The following NDUFA10 variants were observed in gnomAD, a reference collection of about 807,000 sequenced individuals.
NDUFA10 encodes the protein NADH dehydrogenase [ubiquinone] 1 alpha subcomplex subunit 10, mitochondrial.
In NDUFA10, 40 loss-of-function variants were observed where a neutral mutation model predicts 47.8. The ratio of observed to expected loss-of-function variants is 0.84; its 90% confidence interval spans 0.65 to 1.09. The LOEUF (loss-of-function observed/expected upper bound fraction) is 1.09, where lower values mean the gene tolerates loss of function less well. Ranked by LOEUF, NDUFA10 falls within the 50% of genes least tolerant of loss-of-function variation. The probability of loss-of-function intolerance (pLI) is 0.00; values close to 1 mark genes in which losing one functional copy is unlikely to be tolerated. For synonymous variants in NDUFA10, 183 were observed against 172.2 expected (o/e 1.06, Z -0.49); for missense variants, 413 against 451.1 (o/e 0.92, Z 0.76).
At chr2:239,947,385 T>C (rs1694472582) in intron 4 of NDUFA10, among the ~76,000 whole-genome samples, 1 of 152,224 alleles carries the variant, frequency 6.6e-6, no homozygotes, top group Non-Finnish European at 1.5e-5. Context: ...GACTGTCCTG[T>C]GTGCCTGCCT....
intron 5 of NDUFA10, chr2:240,012,031 G>C: frequency 2.9e-6 from 1 of 345,700 alleles, no homozygotes; most frequent in Non-Finnish European, 5.6e-6. Context: ...AGGAATGAAA[G>C]AGCACCAAAA....
intron 9 of NDUFA10, among the ~76,000 whole-genome samples, chr2:239,979,291 T>G (rs1052671256): frequency 7.0e-6 from 1 of 142,060 alleles, no homozygotes; most frequent in African/African-American, 2.6e-5. Context: ...ACTACCTGTC[T>G]CTATTGTGCT....
At chr2:239,957,290 A>G (rs1318477780), downstream of NDUFA10, 1 of 152,244 alleles carries the variant, frequency 6.6e-6, no homozygotes, top group East Asian at 1.9e-4. Context: ...AAGAAAACCC[A>G]CATGACCACG....
intron 9 of NDUFA10, among the ~76,000 whole-genome samples, chr2:239,962,672 G>C (rs1177214233): frequency 1.3e-5 from 2 of 152,224 alleles, no homozygotes; most frequent in Non-Finnish European, 2.9e-5. Flanking sequence ...AGAGAAAAGA[G>C]GTCTAATTGG....
intron 9 of NDUFA10, chr2:239,982,060 T>G: frequency 1.9e-6 from 3 of 1,607,938 alleles, no homozygotes; most frequent in Non-Finnish European, 2.5e-6. Context: ...TTCTGTGGAA[T>G]GTCCTCAAAT....
intron 9 of NDUFA10, among the ~76,000 whole-genome samples, chr2:239,968,831 G>A (rs576348497): frequency 1.2e-4 from 19 of 152,222 alleles, no homozygotes; most frequent in Middle Eastern, 6.8e-3. Context: ...GAGAGTCGGC[G>A]AGCTCCCACT....
intron 4 of NDUFA10, among the ~76,000 whole-genome samples, chr2:239,934,127 C>T (rs1694223224): frequency 6.6e-6 from 1 of 152,212 alleles, no homozygotes; most frequent in South Asian, 2.1e-4. Context: ...AATTCTCCTG[C>T]CTTGGCCTCC....
rs141263568 is a variant in NDUFA10 at position 240,004,246 on chromosome 2, G to A, written c.890+964C>T. ...GCATGAAGACAGACAAGGGTCTGCCGCATCTGGAATGGCGAGGCCGTCTCC... is the reference window on the plus strand; with the variant it reads ...GCATGAAGACAGACAAGGGTCTGCCACATCTGGAATGGCGAGGCCGTCTCC... On this transcript the variant is annotated intron_variant, in intron 8 of 9. Coordinates refer to ENST00000252711, the MANE Select transcript of NDUFA10 (RefSeq NM_004544.4). Among the ~76,000 whole-genome samples the A allele has an allele frequency of 2.0e-4, 30 of 152,278 alleles. 1 individual carries two copies. The East Asian group carries it at 5.8e-3, about 29-fold the overall frequency.
At chr2:239,976,908 T>A (rs894062999) in intron 9 of NDUFA10, among the ~76,000 whole-genome samples, 8 of 152,166 alleles carry the variant, frequency 5.3e-5, no homozygotes, top group African/African-American at 1.9e-4. Flanking sequence ...ACCACTGATT[T>A]AGACAACTGC....
At chr2:239,989,600 T>C (rs771667893) in intron 9 of NDUFA10, among the ~76,000 whole-genome samples, 3 of 152,174 alleles carry the variant, frequency 2.0e-5, no homozygotes, top group Non-Finnish European at 2.9e-5. Flanking sequence ...GGTATGGCAA[T>C]TGGATAAGAA....
intron 4 of NDUFA10, among the ~76,000 whole-genome samples, chr2:239,915,929 CACAG>C (rs144441641): frequency 0.18 from 26,960 of 147,694 alleles, 2,873 homozygotes; most frequent in African/African-American, 0.3. Flanking sequence ...CACACACATA[CACAG>C]ACAGACACAG....
chr2:239,919,172 C>T (rs114279321), intron 4 of NDUFA10, among the ~76,000 whole-genome samples: 2,708 of 152,312 alleles, frequency 0.018, 41 homozygotes, highest in Middle Eastern at 0.048. Flanking sequence ...CTGCTCCAGC[C>T]ACCATGTGGA....
intron 9 of NDUFA10, among the ~76,000 whole-genome samples, chr2:239,968,669 A>T (rs1039670526): frequency 1.3e-5 from 2 of 152,304 alleles, no homozygotes; most frequent in Non-Finnish European, 2.9e-5. Context: ...GAGCTCCAGA[A>T]ATCTGCACAG....
intron 8 of NDUFA10, among the ~76,000 whole-genome samples, chr2:239,991,540 A>T (rs888903628): frequency 2.6e-5 from 4 of 152,232 alleles, no homozygotes; most frequent in African/African-American, 9.6e-5. Context: ...AAGTTTGTGA[A>T]GGGCATAAAG....
At position 239,906,713 on chromosome 2, in the gene NDUFA10, G is replaced by A. The variant is rs913766964; in HGVS notation, c.295-11399C>T. ...TTTCTTCTTGATGAAAAGGTGTGCT[G>A]CCTCTTCAAGGAGTACTACAAACCA... On this transcript the variant is annotated intron_variant, in intron 4 of 5. Transcript: ENST00000419408. The surrounding 1 kb of genome is among the most constrained non-coding windows in gnomAD (Gnocchi z 4.3). 5.3e-5 allele frequency among the ~76,000 whole-genome samples: 8 copies of A among 152,086 alleles called. No homozygotes were observed. Among genetic ancestry groups the A allele is most frequent in the African/African-American group, 1.9e-4 (8 of 41,408 alleles).
chr2:239,915,756 G>C (rs1030649125), intron 4 of NDUFA10, among the ~76,000 whole-genome samples: 3 of 145,556 alleles, frequency 2.1e-5, no homozygotes, highest in Non-Finnish European at 4.5e-5. Context: ...TACACACACA[G>C]AACACACAAA....
rs994618346 is a variant in NDUFA10 at position 239,906,625 on chromosome 2, G to A, written c.295-11311C>T. Among the ~76,000 whole-genome samples, 7 of 152,106 alleles carry A rather than the reference G, an allele frequency of 4.6e-5. No homozygotes were observed. Among genetic ancestry groups the A allele is most frequent in the East Asian group, 3.9e-4 (2 of 5,186 alleles). On this transcript the variant is annotated intron_variant, in intron 4 of 5. Coordinates refer to the NDUFA10 transcript ENST00000419408. The surrounding 1 kb of genome is among the most constrained non-coding windows in gnomAD (Gnocchi z 4.3). ...CCATGGATGGCAAGAGCCAACCAGC[G>A]TGCCCCCGGGAATGCTGGTCCAGAC...
chr2:239,991,013 G>A (rs537892064), intron 8 of NDUFA10, among the ~76,000 whole-genome samples: 4 of 152,206 alleles, frequency 2.6e-5, no homozygotes, highest in South Asian at 2.1e-4. Context: ...AGCAGGAGAC[G>A]TTTCTCATTT....
rs187061987 is a variant in NDUFA10, at chr2:239,967,829, T to C, written c.1000-6643A>G. On this transcript the variant is annotated intron_variant, in intron 9 of 9. Transcript: ENST00000252711. ...TAGAAAAGTGTCCACTTCTAAATGC[T>C]ACAGCCAACCTGGGATCTGTGCCAT... Among the ~76,000 whole-genome samples, 4 of 152,318 alleles carry C rather than the reference T, an allele frequency of 2.6e-5. No individual in the cohort carries two copies. In the East Asian group the frequency reaches 7.7e-4, roughly 29 times the overall value.
Sources: allele counts gnomAD v4.1 joint callset (sites outside exome capture counted in the v4.1 genomes callset), GRCh38; gene constraint gnomAD v4.1.1; non-coding constraint Gnocchi (gnomAD v3.1); transcripts MANE v1.5; gene names NCBI Gene and HGNC (gene_info 2026-07-23, HGNC 2026-07-21).